PSG4: variants seen among roughly 807,000 people sequenced by gnomAD.
PSG4 encodes pregnancy-specific beta-1-glycoprotein 4.
A neutral mutation model predicts 44.3 loss-of-function variants in PSG4; 61 were observed. That is an observed-to-expected ratio of 1.38 (90% CI 1.12 to 1.70). PSG4 has a LOEUF of 1.70. Ranked by LOEUF, PSG4 falls within the 40% of genes most tolerant of loss-of-function variation. The pLI, the probability that PSG4 is intolerant of heterozygous loss-of-function variation, is 0.00. For synonymous variants in PSG4, 248 were observed against 191.3 expected, an observed-to-expected ratio of 1.30 and a Z score of -2.45; for missense variants, 677 against 511.7, an observed-to-expected ratio of 1.32 and a Z score of -3.12.
At chr19:43,196,458 T>A (rs1967250579) in intron 3 of PSG4, 1 of 151,520 alleles carries the variant, frequency 6.6e-6, no homozygotes, top group African/African-American at 2.4e-5. Context: ...GAACAAAAAG[T>A]GTTTTGGATT....
rs1394440880 is a variant in PSG4, at chr19:43,195,259, G to C, written c.724C>G (p.Pro242Ala). 4 of 1,610,434 alleles carry C rather than the reference G, an allele frequency of 2.5e-6. No homozygotes were observed. In the South Asian group the frequency reaches 4.4e-5, roughly 18 times the overall value. ...TTTAAGTTGTTGATTGTGATGTAGG[G>C]CTTGGACAGCTTTGCTGTGTGGATA... is the stretch of plus-strand genomic sequence containing the variant. Reference protein sequence around the residue: ...TLNLLPKLSKPYITINNLNPR... With the variant: ...TLNLLPKLSKAYITINNLNPR... Residue 242 changes from proline to alanine, a missense_variant, in exon 4 of 6, where the codon CCC becomes GCC. Physicochemically the swap from Pro to Ala is conservative, Grantham distance 27. Coordinates refer to ENST00000405312, the MANE Select transcript of PSG4 (RefSeq NM_002780.5).
intron 5 of PSG4, 61 bp downstream of exon 5, chr19:43,194,279 C>G: frequency 6.2e-7 from 1 of 1,610,558 alleles, no homozygotes; most frequent in Non-Finnish European, 8.5e-7. Flanking sequence ...CTCACTCTTC[C>G]CTGAATGCCA....
chr19:43,195,360 C>T (rs1445228178), intron 3 of PSG4, 87 bp from the exon 4 acceptor site: 3 of 1,544,248 alleles, frequency 1.9e-6, no homozygotes, highest in Non-Finnish European at 2.6e-6. Context: ...GCATCTCCCA[C>T]CTCTCAGCCC....
Position 43,204,532 on chromosome 19 carries a change from T to C in PSG4, c.65-281A>G, listed in dbSNP as rs1967670945. The stretch of plus-strand genomic sequence containing the variant: ...GGGGTCCGCACGGCCCCCTCCACAC[T>C]GCCCTCAGGTCCTGCTCACATCAGG... On this transcript the variant is annotated intron_variant, in intron 1 of 5. Transcript: ENST00000405312. 5.0e-6 allele frequency: 2 copies of C among 403,126 alleles called. 1 individual carries two copies. The highest frequency in any genetic ancestry group is 8.3e-5 in the Admixed American group (2 of 24,148). 25.0% of individuals were successfully genotyped at this position (403,126 alleles called of 1,614,324 possible).
At chr19:43,197,976 A>C (rs1372557618) in intron 3 of PSG4, 21 bp downstream of exon 3, 3 of 1,587,672 alleles carry the variant, frequency 1.9e-6, no homozygotes, top group Middle Eastern at 3.4e-4. Context: ...CCTGGCTCAC[A>C]GAGGAACAGA....
At position 43,200,614 on chromosome 19, in the gene PSG4, T is replaced by A. The variant is rs1284494597; in HGVS notation, c.431-2339A>T. On this transcript the variant is annotated intron_variant, in intron 2 of 5. Transcript: ENST00000405312. ...TTTCTGAGACAGAGTCTCGCTCTGT[T>A]GCCCAGGCTGGAGTGCAGTGGCATG... Among the ~76,000 whole-genome samples the A allele has an allele frequency of 1.4e-5, 2 of 144,828 alleles. 1 individual carries two copies. The highest frequency in any genetic ancestry group is 3.0e-5 in the Non-Finnish European group (2 of 67,012).
Position 43,195,207 on chromosome 19 carries a change from G to T in PSG4, c.776C>A (p.Thr259Asn), listed in dbSNP as rs757698210. The T allele has an allele frequency of 1.9e-6, 3 of 1,610,284 alleles. No homozygotes were observed. In the South Asian group the frequency reaches 3.3e-5, roughly 18 times the overall value. Residue 259 changes from threonine to asparagine, a missense_variant, in exon 4 of 6, where the codon ACC becomes AAC. By Grantham distance (65) the Thr-to-Asn change is moderately conservative. Coordinates refer to ENST00000405312, the MANE Select transcript of PSG4 (RefSeq NM_002780.5). ...LNPRENKDVL[T>N]FTCEPKSKNY... ...CTTACTCTTAGGTTCACAGGTGAAG[G>T]TTAAGACATCCTTATTCTCTCTGGG...
rs893225046 is a variant in PSG4, at chr19:43,205,408, C to T, written c.64+65G>A. 180 of 1,461,074 alleles carry T rather than the reference C, an allele frequency of 1.2e-4. 14 individuals are homozygous for T. Among genetic ancestry groups the T allele is most frequent in the Admixed American group, 1.1e-4 (6 of 56,190 alleles). 90.5% of individuals were successfully genotyped at this position (1,461,074 alleles called of 1,614,324 possible). ...TCATTTTTCAGAACCCCATCCTCTC[C>T]AGGAGACCCCATCCAGTCACTCTGC... On this transcript the variant is annotated intron_variant, in intron 1 of 5. Coordinates refer to ENST00000405312, the MANE Select transcript of PSG4 (RefSeq NM_002780.5).
intron 2 of PSG4, among the ~76,000 whole-genome samples, chr19:43,199,685 A>G (rs1464558142): frequency 6.9e-6 from 1 of 145,200 alleles, no homozygotes; most frequent in African/African-American, 2.6e-5. Context: ...GTTGTCAGGA[A>G]TTTAGACCTC....
Position 43,197,996 on chromosome 19 carries a change from C to T in PSG4, c.709+1G>A, listed in dbSNP as rs752149380. The T allele has an allele frequency of 1.3e-5, 21 of 1,587,594 alleles. No homozygotes were observed. Among genetic ancestry groups the T allele is most frequent in the Middle Eastern group, 1.7e-4 (1 of 5,984 alleles). On this transcript the variant is annotated splice_donor_variant, in intron 3 of 5. Transcript: ENST00000405312. LOFTEE classifies it high-confidence loss of function. ...CTCACAGAGGAACAGAGGATACTCA[C>T]GGAGGAGATTCAGGGTGACTGGGTC...
At position 43,204,066 on chromosome 19, in the gene PSG4, C is replaced by T. The variant is rs747502386; in HGVS notation, c.250G>A (p.Val84Ile). The T allele has an allele frequency of 5.7e-6, 9 of 1,586,274 alleles. 1 individual carries two copies. The highest frequency in any genetic ancestry group is 7.7e-6 in the Non-Finnish European group (9 of 1,170,544). The part of the protein sequence containing the change: ...YLYHYITSYV[V>I]DGQRIIYGPA... ...CCATATATAATTCTTTGACCGTCTA[C>T]TACATATGATGTAATGTAATGGTAG... Residue 84 changes from valine (V) to isoleucine (I), a missense_variant, in exon 2 of 6, where the codon GTA becomes ATA. Physicochemically the swap from Val to Ile is conservative, Grantham distance 29 (BLOSUM62 3). Transcript: ENST00000405312.
chr19:43,200,082 C>T (rs184528675), intron 2 of PSG4, among the ~76,000 whole-genome samples: 8 of 145,548 alleles, frequency 5.5e-5, no homozygotes, highest in Non-Finnish European at 8.9e-5. Flanking sequence ...TGGGGAGGAC[C>T]CCAAAACAGG....
At chr19:43,200,608 C>T (rs1404073497) in intron 2 of PSG4, among the ~76,000 whole-genome samples, 6 of 144,614 alleles carry the variant, frequency 4.1e-5, no homozygotes, top group Admixed American at 4.1e-4. Context: ...CAGAGTCTCG[C>T]TCTGTTGCCC....
In PSG4 at chr19:43,202,581, G is replaced by C. The variant is rs550567945; in HGVS notation, c.430+1305C>G. ...TGTGTCTCTCGCTGGGCCTGTGCTG[G>C]TGCAGGGTGTGAGTGGGGAAAGAAA... On this transcript the variant is annotated intron_variant, in intron 2 of 5. Coordinates refer to ENST00000405312, the MANE Select transcript of PSG4 (RefSeq NM_002780.5). Among the ~76,000 whole-genome samples, 3 of 144,344 alleles carry C rather than the reference G, an allele frequency of 2.1e-5. 1 individual carries two copies. Among genetic ancestry groups the C allele is most frequent in the African/African-American group, 8.0e-5 (3 of 37,284 alleles). 94.7% of individuals were successfully genotyped at this position (144,344 alleles called of 152,430 possible).
chr19:43,194,747 A>G, intron 4 of PSG4, 153 bp from the exon 5 acceptor site: 1 of 1,432,436 alleles, frequency 7.0e-7, no homozygotes, highest in Non-Finnish European at 9.4e-7. Context: ...AGCCTGAGGT[A>G]TTCACCTGTT....
chr19:43,193,293 T>G lies in PSG4; in HGVS notation c.*79A>C. 2 of 773,202 alleles carry G rather than the reference T, an allele frequency of 2.6e-6. No individual in the cohort carries two copies. The highest frequency in any genetic ancestry group is 2.7e-5 in the South Asian group (2 of 74,584). The allele number at this position is 773,202 out of a possible 1,614,324, so 47.9% of individuals were successfully genotyped here. A position where few individuals can be genotyped will look rare whatever the true frequency, so the allele number is the denominator to read the frequency against. On this transcript the variant is annotated 3_prime_UTR_variant, in exon 6 of 6. Coordinates refer to ENST00000405312, the MANE Select transcript of PSG4 (RefSeq NM_002780.5). ...TACATCGAGTTGTCCACCTCCAGCT[T>G]ATAGGGCTTCTGGAACAGAGTGGGT...
At position 43,199,145 on chromosome 19, in the gene PSG4, T is replaced by A. The variant is rs745899688; in HGVS notation, c.431-870A>T. On this transcript the variant is annotated intron_variant, in intron 2 of 5. Coordinates refer to ENST00000405312, the MANE Select transcript of PSG4 (RefSeq NM_002780.5). Reference sequence around the variant, plus strand: ...ACAGATGATGGAAGTCTGGCCCTCATGGACCATATGCGTTTGGTGGATATT... The same window carrying A: ...ACAGATGATGGAAGTCTGGCCCTCAAGGACCATATGCGTTTGGTGGATATT... Among the ~76,000 whole-genome samples, 10 of 146,214 alleles carry A rather than the reference T, an allele frequency of 6.8e-5. 2 individuals carry two copies. Among genetic ancestry groups the A allele is most frequent in the African/African-American group, 1.3e-4 (5 of 38,266 alleles).
chr19:43,198,198 C>G lies in PSG4; in HGVS notation c.508G>C (p.Asp170His). ...TAGCTTGCGGCTGGAGTCGCAGGAT[C>G]ACAGGTTAAGATCACAGCCTCCATG... ...EAMEAVILTC[D>H]PATPAASYQW... Residue 170 changes from aspartate to histidine, a missense_variant, in exon 3 of 6, where the codon GAT becomes CAT. Physicochemically the swap from Asp to His is moderately conservative, Grantham distance 81. Transcript: ENST00000405312. 1.3e-6 allele frequency: 2 copies of G among 1,587,686 alleles called. No homozygotes were observed. The highest frequency in any genetic ancestry group is 1.7e-6 in the Non-Finnish European group (2 of 1,171,818).
At chr19:43,202,462 T>G (rs137864736) in intron 2 of PSG4, among the ~76,000 whole-genome samples, 8,582 of 137,796 alleles carry the variant, frequency 0.062, 1,747 homozygotes, top group African/African-American at 0.2. Context: ...GAACCTCCTA[T>G]GATTCTGCAT....
Sources: allele counts gnomAD v4.1 joint callset (sites outside exome capture counted in the v4.1 genomes callset), GRCh38; gene constraint gnomAD v4.1.1; transcripts MANE v1.5; gene names NCBI Gene and HGNC (gene_info 2026-07-23, HGNC 2026-07-21).